The following BTBD9 variants were observed in gnomAD, a reference collection of about 807,000 sequenced individuals.
BTBD9 encodes BTB domain containing 9.
A neutral mutation model predicts 64.3 loss-of-function variants in BTBD9; 49 were observed. The ratio of observed to expected loss-of-function variants is 0.76; its 90% CI spans 0.61 to 0.97. The LOEUF (loss-of-function observed/expected upper bound fraction) is 0.97. Among genes scored for constraint, BTBD9 ranks in the 50% least tolerant of loss-of-function variants. BTBD9 has a pLI of 0.00. For missense variants in BTBD9, 598 were observed against 762.1 expected, an observed-to-expected ratio of 0.78 and a Z score of 2.53; for synonymous variants, 260 against 274.7, an observed-to-expected ratio of 0.95 and a Z score of 0.53.
chr6:38,481,978 G>T (rs924033830), intron 6 of BTBD9: 3 of 152,250 alleles, frequency 2.0e-5, no homozygotes, highest in African/African-American at 7.2e-5. Flanking sequence ...GGGGCAGCTT[G>T]TAACTCAGAA....
At chr6:38,217,735 G>A (rs1258845597) in intron 9 of BTBD9, among the ~76,000 whole-genome samples, 4 of 147,710 alleles carry the variant, frequency 2.7e-5, no homozygotes, top group Non-Finnish European at 3.0e-5. Flanking sequence ...CAGCCAACAC[G>A]TGGGCCCAGG....
At chr6:38,436,913 A>G (rs1294256046) in intron 6 of BTBD9, among the ~76,000 whole-genome samples, 1 of 152,186 alleles carries the variant, frequency 6.6e-6, no homozygotes, top group East Asian at 1.9e-4. Flanking sequence ...AACGATGATG[A>G]TAGTTGTAGT....
intron 6 of BTBD9, among the ~76,000 whole-genome samples, chr6:38,349,935 T>A (rs142613635): frequency 7.2e-5 from 11 of 152,324 alleles, no homozygotes; most frequent in African/African-American, 2.6e-4. Context: ...GTTCTTGACC[T>A]GTCTTAGCTA....
chr6:38,393,466 G>C (rs530921228), intron 6 of BTBD9, among the ~76,000 whole-genome samples: 1 of 151,368 alleles, frequency 6.6e-6, no homozygotes, highest in South Asian at 2.1e-4. Context: ...GAAACAGAAA[G>C]AACTTATTCA....
In BTBD9 at chr6:38,246,901, C is replaced by T. The variant is rs73412512; in HGVS notation, c.1562+9508G>A. ...ATCTTCTTGGAAACTAACACGTCACCCAACTATGAACTATGTCTCATCATC... is the reference window on the plus strand; with the variant it reads ...ATCTTCTTGGAAACTAACACGTCACTCAACTATGAACTATGTCTCATCATC... On this transcript the variant is annotated intron_variant, in intron 9 of 10. Transcript: ENST00000481247. 2.4e-3 allele frequency among the ~76,000 whole-genome samples: 370 copies of T among 152,204 alleles called. 3 individuals are homozygous for T. The highest frequency in any genetic ancestry group is 7.4e-3 in the African/African-American group (308 of 41,522).
At chr6:38,615,264 T>C (rs1479507321) in intron 1 of BTBD9, among the ~76,000 whole-genome samples, 3 of 152,260 alleles carry the variant, frequency 2.0e-5, no homozygotes, top group Admixed American at 2.0e-4. Context: ...CCTTCACAAA[T>C]TGTATCTCTT....
intron 6 of BTBD9, among the ~76,000 whole-genome samples, chr6:38,410,141 C>A (rs1767350025): frequency 6.6e-6 from 1 of 151,928 alleles, no homozygotes; most frequent in African/African-American, 2.4e-5. Context: ...TGATAAAATC[C>A]AAAACATCTA....
intron 6 of BTBD9, among the ~76,000 whole-genome samples, chr6:38,456,612 G>A (rs924835246): frequency 1.3e-5 from 2 of 152,124 alleles, no homozygotes; most frequent in African/African-American, 4.8e-5. Flanking sequence ...AATGACTAAT[G>A]ATAATGGGCA....
intron 6 of BTBD9, among the ~76,000 whole-genome samples, chr6:38,418,364 T>C (rs977909340): frequency 2.0e-5 from 3 of 152,150 alleles, no homozygotes; most frequent in Non-Finnish European, 4.4e-5. Flanking sequence ...CCTACTGAAG[T>C]GTATGCTGGC....
intron 2 of BTBD9, among the ~76,000 whole-genome samples, chr6:38,597,620 G>C (rs1392909841): frequency 6.6e-6 from 1 of 152,096 alleles, no homozygotes; most frequent in Non-Finnish European, 1.5e-5. Flanking sequence ...GAGACAGTGA[G>C]GGCAACGAAG....
At chr6:38,530,472 G>A (rs56867817) in intron 6 of BTBD9, among the ~76,000 whole-genome samples, 28,246 of 151,918 alleles carry the variant, frequency 0.19, 2,703 homozygotes, top group East Asian at 0.27. Context: ...TGGGCATCAC[G>A]GTCCTACTGA....
intron 6 of BTBD9, among the ~76,000 whole-genome samples, chr6:38,392,025 T>C (rs1047208637): frequency 1.3e-5 from 2 of 152,024 alleles, no homozygotes; most frequent in Non-Finnish European, 2.9e-5. Flanking sequence ...TTGGATCACA[T>C]GGAGGAAAAA....
At chr6:38,474,217 T>C (rs4714164) in intron 6 of BTBD9, among the ~76,000 whole-genome samples, 109,070 of 152,086 alleles carry the variant, frequency 0.72, 39,395 homozygotes, top group East Asian at 0.96. Flanking sequence ...TATGGGGCTA[T>C]TGCAGTAGTT....
rs192400023 is a variant in BTBD9, at chr6:38,228,867, C to T, written c.1562+27542G>A. On this transcript the variant is annotated intron_variant, in intron 9 of 10. Coordinates refer to ENST00000481247, the MANE Select transcript of BTBD9 (RefSeq NM_001099272.2). ...CCAGCCCAGCGGCAGAGCGAGGCTCCGTCTCAAAAAACAAAAACAAAAACA... is the reference window on the plus strand; with the variant it reads ...CCAGCCCAGCGGCAGAGCGAGGCTCTGTCTCAAAAAACAAAAACAAAAACA... Among the ~76,000 whole-genome samples the T allele has an allele frequency of 1.5e-3, 218 of 148,886 alleles. 1 individual carries two copies. Among genetic ancestry groups the T allele is most frequent in the African/African-American group, 5.0e-3 (203 of 40,314 alleles).
At chr6:38,338,734 G>A (rs958284867) in intron 7 of BTBD9, among the ~76,000 whole-genome samples, 33 of 152,118 alleles carry the variant, frequency 2.2e-4, no homozygotes, top group African/African-American at 8.0e-4. Flanking sequence ...TAATCTCAGT[G>A]TAAAGTGTTT....
chr6:38,568,377 G>C (rs1313213425), intron 6 of BTBD9, among the ~76,000 whole-genome samples: 1 of 152,076 alleles, frequency 6.6e-6, no homozygotes, highest in African/African-American at 2.4e-5. Context: ...TTATTTCATT[G>C]ACCACATTTT....
At chr6:38,435,452 A>G (rs1001754956) in intron 6 of BTBD9, among the ~76,000 whole-genome samples, 2 of 151,740 alleles carry the variant, frequency 1.3e-5, no homozygotes, top group Non-Finnish European at 1.5e-5. Flanking sequence ...TGAAAAAAAG[A>G]AAAAGAAAAG....
chr6:38,509,440 T>C (rs1480098470), intron 6 of BTBD9, among the ~76,000 whole-genome samples: 2 of 152,228 alleles, frequency 1.3e-5, no homozygotes, highest in African/African-American at 4.8e-5. Flanking sequence ...TCTATAATTC[T>C]GCATATTTTG....
chr6:38,621,671 A>G (rs1178982821), intron 1 of BTBD9, among the ~76,000 whole-genome samples: 1 of 152,252 alleles, frequency 6.6e-6, no homozygotes, highest in Non-Finnish European at 1.5e-5. Flanking sequence ...ATATGGAAAG[A>G]AAGGGAGTTC....
Sources: allele counts gnomAD v4.1 joint callset (sites outside exome capture counted in the v4.1 genomes callset), GRCh38; gene constraint gnomAD v4.1.1; transcripts MANE v1.5; gene names NCBI Gene and HGNC (gene_info 2026-07-23, HGNC 2026-07-21).